Variants in TIMM23 observed in about 807,000 individuals in gnomAD.
TIMM23 encodes the protein mitochondrial import inner membrane translocase subunit Tim23.
A neutral mutation model predicts 30.7 loss-of-function variants in TIMM23; 19 were observed. The observed-to-expected ratio is 0.62, with a 90% CI of 0.43 to 0.91. TIMM23 has a LOEUF of 0.91. Ranked by LOEUF, TIMM23 falls within the 40% of genes least tolerant of loss-of-function variation. The pLI is 0.00. For missense variants in TIMM23, 202 were observed against 269.2 expected (o/e 0.75, Z 1.75); for synonymous variants, 78 against 98.5 (o/e 0.79, Z 1.23).
chr10:45,992,294 GT>G (rs1838189016), intron 6 of TIMM23: 1 of 446,716 alleles, frequency 2.2e-6, no homozygotes, highest in Non-Finnish European at 4.5e-6. Context: ...CCATAGTACT[GT>G]GTCCTTTTAG....
At chr10:45,974,409 A>G (rs1242357099) in intron 1 of TIMM23, among the ~76,000 whole-genome samples, 1 of 152,194 alleles carries the variant, frequency 6.6e-6, no homozygotes, top group Non-Finnish European at 1.5e-5. Flanking sequence ...GGAGGCAAGT[A>G]TCCAGGAAAA....
intron 2 of TIMM23, 151 bp from the exon 3 acceptor site, chr10:45,982,372 T>C (rs1837875456): frequency 1.4e-6 from 1 of 694,226 alleles, no homozygotes; most frequent in South Asian, 1.9e-5. Flanking sequence ...GTGTTACTGC[T>C]GCAGAAAGTT....
chr10:45,972,675 C>G lies in TIMM23; in HGVS notation c.51C>G (p.Gly17=). 1.2e-6 allele frequency: 2 copies of G among 1,613,968 alleles called. No homozygotes were observed. Among genetic ancestry groups the G allele is most frequent in the South Asian group, 2.2e-5 (2 of 91,070 alleles). Residue 17 remains glycine (G), a synonymous_variant, in exon 1 of 7, where the codon GGC becomes GGG. Coordinates refer to ENST00000580018, the MANE Select transcript of TIMM23 (RefSeq NM_006327.4). ...ACAAAACCACAGGGGGATTGGCCGGCTTTTTCGGAGCCGGCGGAGCAGGTT... is the reference window on the plus strand; with the variant it reads ...ACAAAACCACAGGGGGATTGGCCGGGTTTTTCGGAGCCGGCGGAGCAGGTT... ...SGNKTTGGLA[G]FFGAGGAGYS...
intron 6 of TIMM23, among the ~76,000 whole-genome samples, chr10:45,998,054 ACTC>A (rs1181711514): frequency 6.6e-6 from 1 of 151,944 alleles, no homozygotes; most frequent in Admixed American, 6.6e-5. Flanking sequence ...GGAGCCACCA[ACTC>A]CTGCTGGCCA....
At chr10:45,978,227 C>T (rs1837736690) in intron 2 of TIMM23, among the ~76,000 whole-genome samples, 1 of 151,952 alleles carries the variant, frequency 6.6e-6, no homozygotes, top group African/African-American at 2.4e-5. Context: ...GTGGTGTGCA[C>T]CTGTAGTCCC....
chr10:45,997,119 G>A, intron 6 of TIMM23, among the ~76,000 whole-genome samples: 1 of 152,154 alleles, frequency 6.6e-6, no homozygotes, highest in East Asian at 1.9e-4. Flanking sequence ...TACTCCCGAG[G>A]CTGAGGTGGG....
At chr10:45,990,896 T>C (rs1838145949) in intron 6 of TIMM23, among the ~76,000 whole-genome samples, 1 of 152,216 alleles carries the variant, frequency 6.6e-6, no homozygotes, top group South Asian at 2.1e-4. Context: ...ACATCCTTTA[T>C]ATAGGTCAGC....
At chr10:45,987,351 A>ACAC (rs1429337122) in intron 5 of TIMM23, among the ~76,000 whole-genome samples, 1 of 152,106 alleles carries the variant, frequency 6.6e-6, no homozygotes, top group Non-Finnish European at 1.5e-5. Context: ...CTTGCAGTGG[A>ACAC]CACCAGTTGG....
chr10:46,002,173 A>T (rs1244647459), intron 6 of TIMM23, among the ~76,000 whole-genome samples: 1 of 151,964 alleles, frequency 6.6e-6, no homozygotes, highest in African/African-American at 2.4e-5. Context: ...AAGTGTGATT[A>T]TAGCTATCTT....
At chr10:45,986,910 G>A (rs1280870074) in intron 5 of TIMM23, among the ~76,000 whole-genome samples, 1 of 151,918 alleles carries the variant, frequency 6.6e-6, no homozygotes, top group African/African-American at 2.4e-5. Context: ...ACTTCCTAGC[G>A]GTACTTTCTA....
intron 4 of TIMM23, among the ~76,000 whole-genome samples, chr10:45,983,334 A>G (rs1554914361): frequency 6.6e-6 from 1 of 152,192 alleles, no homozygotes; most frequent in African/African-American, 2.4e-5. Context: ...AGCTGCCATC[A>G]TTTAACTTGA....
At chr10:45,982,445 T>C (rs1429771883) in intron 2 of TIMM23, 78 bp from the exon 3 acceptor site, 7 of 1,482,680 alleles carry the variant, frequency 4.7e-6, no homozygotes, top group Middle Eastern at 1.7e-4. Flanking sequence ...AAAACTACTT[T>C]GAAATGTTAA....
intron 3 of TIMM23, 112 bp downstream of exon 3, chr10:45,982,728 T>A: frequency 5.1e-6 from 8 of 1,561,014 alleles, no homozygotes; most frequent in Non-Finnish European, 7.0e-6. Flanking sequence ...AATATTTACA[T>A]TTGTCTTTTT....
chr10:45,977,472 G>A (rs1294302986), intron 2 of TIMM23, among the ~76,000 whole-genome samples: 3 of 152,162 alleles, frequency 2.0e-5, no homozygotes, highest in Admixed American at 6.5e-5. Flanking sequence ...CAGGGGAGAC[G>A]TTAGGACAAC....
intron 2 of TIMM23, among the ~76,000 whole-genome samples, chr10:45,981,246 C>A (rs1837835380): frequency 1.8e-5 from 2 of 111,366 alleles, no homozygotes. Context: ...GCCAAGTTTT[C>A]TATTCTTAAT....
chr10:45,998,702 AT>A (rs1307673981), intron 6 of TIMM23, among the ~76,000 whole-genome samples: 1 of 151,790 alleles, frequency 6.6e-6, no homozygotes, highest in Non-Finnish European at 1.5e-5. Flanking sequence ...GTTGGAGTTG[AT>A]TTTTTTTCTC....
At position 45,985,454 on chromosome 10, in the gene TIMM23, C is replaced by G. The variant is rs1422252017; in HGVS notation, c.403+13C>G. 1.2e-6 allele frequency: 2 copies of G among 1,613,290 alleles called. No homozygotes were observed. Among genetic ancestry groups the G allele is most frequent in the African/African-American group, 1.3e-5 (1 of 74,994 alleles). On this transcript the variant is annotated intron_variant, in intron 5 of 6. Transcript: ENST00000580018. ...CTAGGTTCTCTGGGTAAGTAGAGATCTCATTTGATAATAAATTGTTAAAGA... is the reference window on the plus strand; with the variant it reads ...CTAGGTTCTCTGGGTAAGTAGAGATGTCATTTGATAATAAATTGTTAAAGA...
rs1838188660 is a variant in TIMM23, at chr10:45,992,279, A to G, written c.514+3432A>G. The stretch of plus-strand genomic sequence containing the variant: ...TGCCCAGCTGCCTGAATTGTTTTTG[A>G]CTCCCCATAGTACTGTGTCCTTTTA... On this transcript the variant is annotated intron_variant, in intron 6 of 6. Transcript: ENST00000580018. 12 of 425,346 alleles carry G rather than the reference A, an allele frequency of 2.8e-5. 1 individual carries two copies. Among genetic ancestry groups the G allele is most frequent in the Non-Finnish European group, 5.6e-5 (12 of 215,588 alleles). 26.3% of individuals were successfully genotyped at this position (425,346 alleles called of 1,614,324 possible). A position where few individuals can be genotyped will look rare whatever the true frequency, so the allele number is the denominator to read the frequency against.
At chr10:45,974,144 T>G (rs1837589737) in intron 1 of TIMM23, among the ~76,000 whole-genome samples, 2 of 142,390 alleles carry the variant, frequency 1.4e-5, no homozygotes, top group East Asian at 4.0e-4. Context: ...GGGGCAGGAC[T>G]ATAGTGGTTT....
Sources: gnomAD v4.1 joint callset for allele counts (sites outside exome capture counted in the v4.1 genomes callset) on GRCh38, gnomAD v4.1.1 for gene constraint, MANE v1.5 for transcripts, NCBI Gene and HGNC (gene_info 2026-07-23, HGNC 2026-07-21) for gene names.